Variants in FCGR2B observed in about 807,000 individuals in gnomAD.
FCGR2B encodes low affinity immunoglobulin gamma Fc region receptor II-b.
Under a neutral mutation model 24.8 loss-of-function variants are expected in FCGR2B, and 18 were observed. That is an observed-to-expected ratio of 0.73 (90% confidence interval 0.50 to 1.08). FCGR2B has a LOEUF of 1.08. FCGR2B is among the 50% of genes least tolerant of loss of function. The pLI is 0.00. For missense variants in FCGR2B, 215 were observed against 297.6 expected, an observed-to-expected ratio of 0.72 and a Z score of 2.04; for synonymous variants, 79 against 109.8, an observed-to-expected ratio of 0.72 and a Z score of 1.75.
intron 1 of FCGR2B, among the ~76,000 whole-genome samples, chr1:161,669,272 T>C (rs1681471292): frequency 7.3e-6 from 1 of 137,108 alleles, no homozygotes; most frequent in African/African-American, 2.5e-5. Flanking sequence ...AGTGTAGCCA[T>C]TTAAAATGAC....
intron 3 of FCGR2B, chr1:161,672,162 TG>T (rs1681718993): frequency 6.4e-6 from 1 of 157,346 alleles, no homozygotes; most frequent in Admixed American, 5.9e-5. Context: ...GTGGGAAACC[TG>T]AGATGAAAGT....
At chr1:161,661,591 T>A (rs1207894288), upstream of FCGR2B, among the ~76,000 whole-genome samples, 1 of 76,542 alleles carries the variant, frequency 1.3e-5, no homozygotes, top group Non-Finnish European at 2.5e-5. Context: ...TCTAAATTAA[T>A]TGCCACCTGT....
chr1:161,676,568 TAGAATGGGAATTC>T (rs1682159998), intron 6 of FCGR2B: 1 of 164,456 alleles, frequency 6.1e-6, no homozygotes, highest in Non-Finnish European at 1.3e-5. Flanking sequence ...GGAAATGTAA[TAGAATGGGAATTC>T]AGAATGCGGT....
the FCGR2B span, among the ~76,000 whole-genome samples, chr1:161,648,713 A>G: frequency 1.3e-5 from 2 of 150,610 alleles, no homozygotes; most frequent in Admixed American, 6.7e-5. Flanking sequence ...TTTTTGAGGC[A>G]GAGTTTTGCT....
the FCGR2B span, among the ~76,000 whole-genome samples, chr1:161,647,576 A>C: frequency 0.27 from 41,139 of 149,858 alleles, 6,582 homozygotes; most frequent in East Asian, 0.4. Context: ...AAGTGCTAGC[A>C]TTAGAGGTGT....
chr1:161,671,828 T>A (rs1674778), intron 3 of FCGR2B, 179 bp downstream of exon 3: 410 of 1,276,678 alleles, frequency 3.2e-4, no homozygotes, highest in South Asian at 9.3e-4. Flanking sequence ...GAAGAAGGTT[T>A]CAAGGCCAAA....
Position 161,677,704 on chromosome 1 carries a change from C to T in FCGR2B, c.*151C>T. On this transcript the variant is annotated 3_prime_UTR_variant, in exon 8 of 8. Transcript: ENST00000358671. ...AGAGTCATCTACCTGAGTCCTGAAG[C>T]TCCCTGTCCTGAAAGCCACAGACAA... 1 of 630,568 alleles carries T rather than the reference C, an allele frequency of 1.6e-6. No individual in the cohort carries two copies. Among genetic ancestry groups the T allele is most frequent in the Non-Finnish European group, 2.8e-6 (1 of 361,812 alleles). The allele number at this position is 630,568 out of a possible 1,614,324, so 39.1% of individuals were successfully genotyped here.
the FCGR2B span, among the ~76,000 whole-genome samples, chr1:161,652,382 C>G: frequency 7.6e-6 from 1 of 132,120 alleles, no homozygotes; most frequent in Non-Finnish European, 1.7e-5. Context: ...ATGGCATCTA[C>G]TGATGACCCT....
the FCGR2B span, among the ~76,000 whole-genome samples, chr1:161,647,660 T>G: frequency 6.6e-6 from 1 of 150,904 alleles, no homozygotes. Flanking sequence ...TTTCTTGCAT[T>G]AAACCACTCA....
intron 6 of FCGR2B, 31 bp downstream of exon 6, chr1:161,675,344 A>C (rs1682027430): frequency 1.4e-6 from 2 of 1,469,850 alleles, no homozygotes; most frequent in African/African-American, 2.9e-5. Flanking sequence ...GGATTCAGTG[A>C]TGGCTCACCA....
upstream of FCGR2B, among the ~76,000 whole-genome samples, chr1:161,661,332 A>G (rs1681082763): frequency 7.3e-6 from 1 of 136,714 alleles, no homozygotes; most frequent in Non-Finnish European, 1.6e-5. Context: ...ACTCGTTTCT[A>G]CCTTATCTTA....
intron 7 of FCGR2B, 34 bp from the exon 8 acceptor site, chr1:161,677,442 G>A (rs1682243251): frequency 6.2e-7 from 1 of 1,610,950 alleles, no homozygotes; most frequent in Non-Finnish European, 8.5e-7. Flanking sequence ...GGCCCTCTCT[G>A]TGGATCCTTA....
At chr1:161,676,246 T>A (rs1318382730) in intron 6 of FCGR2B, 1 of 216,510 alleles carries the variant, frequency 4.6e-6, no homozygotes, top group Non-Finnish European at 9.3e-6. Context: ...ATGGCTGGAG[T>A]ATGATTCAGA....
chr1:161,677,232 T>A (rs747706580), intron 6 of FCGR2B, 96 bp from the exon 7 acceptor site: 15 of 1,206,520 alleles, frequency 1.2e-5, no homozygotes, highest in Admixed American at 1.8e-5. Flanking sequence ...TTGCTTTGGC[T>A]CTAGTTTGGG....
At chr1:161,674,976 G>A (rs527307845) in intron 5 of FCGR2B, 62 of 399,926 alleles carry the variant, frequency 1.6e-4, no homozygotes, top group African/African-American at 1.1e-3. Flanking sequence ...CTGAGACACA[G>A]GGGTGTTTTT....
At chr1:161,671,314 T>A in intron 2 of FCGR2B, 78 bp from the exon 3 acceptor site, 1 of 1,609,296 alleles carries the variant, frequency 6.2e-7, no homozygotes, top group South Asian at 1.1e-5. Context: ...CTACAGGTGC[T>A]TTTTTGTCTG....
intron 6 of FCGR2B, chr1:161,676,542 G>T (rs1682156143): frequency 5.9e-6 from 1 of 168,678 alleles, no homozygotes; most frequent in South Asian, 2.0e-4. Context: ...GCAAAGCTGG[G>T]TTGCTGGGAT....
chr1:161,677,043 C>T (rs1682207883), intron 6 of FCGR2B: 2 of 484,562 alleles, frequency 4.1e-6, no homozygotes, highest in Non-Finnish European at 7.2e-6. Flanking sequence ...CCCAAGCCTC[C>T]CTGGTTTGCT....
chr1:161,650,049 C>T, the FCGR2B span, among the ~76,000 whole-genome samples: 2 of 150,374 alleles, frequency 1.3e-5, no homozygotes, highest in Non-Finnish European at 3.0e-5. Flanking sequence ...ACTCTGTTGC[C>T]CAAGCTGGAG....
Sources: gnomAD v4.1 joint callset for allele counts (sites outside exome capture counted in the v4.1 genomes callset) on GRCh38, gnomAD v4.1.1 for gene constraint, MANE v1.5 for transcripts, NCBI Gene and HGNC (gene_info 2026-07-23, HGNC 2026-07-21) for gene names.